ATP6V0E2: variants seen among roughly 807,000 people sequenced by gnomAD.
ATP6V0E2 encodes the protein ATPase H+ transporting V0 subunit e2.
ATP6V0E2 carries 4 observed loss-of-function variants against 11.5 expected under a neutral mutation model. That is an observed-to-expected ratio of 0.35 (90% CI 0.17 to 0.80). The LOEUF is 0.80. Among genes scored for constraint, ATP6V0E2 ranks in the 30% least tolerant of loss-of-function variants. The pLI is 0.53. For missense variants in ATP6V0E2, 93 were observed against 113.5 expected (o/e 0.82, Z 0.82); for synonymous variants, 52 against 51.0 (o/e 1.02, Z -0.09).
rs549598501 is a variant in ATP6V0E2 at position 149,877,324 on chromosome 7, A to G, written c.153-1354A>G. ...CCCACCTCAGCCTAGCTTTGACCACAGGCATGTGCCACCATGCCTGGCTGA... is the reference window on the plus strand; with the variant it reads ...CCCACCTCAGCCTAGCTTTGACCACGGGCATGTGCCACCATGCCTGGCTGA... On this transcript the variant is annotated intron_variant, in intron 2 of 3. Transcript: ENST00000425642. Among the ~76,000 whole-genome samples the G allele has an allele frequency of 2.6e-5, 4 of 152,270 alleles. No individual in the cohort carries two copies. In the East Asian group the frequency reaches 7.7e-4, roughly 29 times the overall value.
At chr7:149,878,567 G>A in intron 2 of ATP6V0E2, 111 bp from the exon 3 acceptor site, 1 of 848,290 alleles carries the variant, frequency 1.2e-6, no homozygotes, top group East Asian at 2.9e-5. Flanking sequence ...GGGAACACAG[G>A]CCCTGCCATC....
intron 1 of ATP6V0E2, chr7:149,874,874 G>C (rs1803042435): frequency 1.3e-5 from 2 of 153,506 alleles, no homozygotes; most frequent in Non-Finnish European, 2.9e-5. Context: ...CAGTGCTTTA[G>C]ATCAAAGATC....
chr7:149,876,013 G>A lies in ATP6V0E2; in HGVS notation c.152+368G>A, dbSNP rs192324790. 13 of 488,050 alleles carry A rather than the reference G, an allele frequency of 2.7e-5. No homozygotes were observed. In the East Asian group the frequency reaches 7.1e-4, roughly 27 times the overall value. The allele number at this position is 488,050 out of a possible 1,614,324, so 30.2% of individuals were successfully genotyped here. ...CTACACCCATGAAATTACAACTCTC[G>A]AGATCTGCACTTGGGAATTCCTGTT... On this transcript the variant is annotated intron_variant, in intron 2 of 3. Transcript: ENST00000425642.
intron 2 of ATP6V0E2, 66 bp downstream of exon 2, chr7:149,875,711 C>T (rs915380870): frequency 3.4e-6 from 5 of 1,478,668 alleles, no homozygotes; most frequent in Admixed American, 1.8e-5. Context: ...TCCTCCTCAC[C>T]CTAGCCTGCT....
intron 2 of ATP6V0E2, among the ~76,000 whole-genome samples, chr7:149,878,131 C>T (rs1260880696): frequency 1.3e-5 from 2 of 152,244 alleles, no homozygotes; most frequent in Non-Finnish European, 2.9e-5. Context: ...CAGCCACCCA[C>T]ACGCCCAGCA....
chr7:149,874,605 TGC>T (rs1803030396), intron 1 of ATP6V0E2: 1 of 166,802 alleles, frequency 6.0e-6, no homozygotes, highest in African/African-American at 2.4e-5. Flanking sequence ...CACCTACCAG[TGC>T]GTGACACTTT....
At chr7:149,878,347 G>T (rs1005732143) in intron 2 of ATP6V0E2, among the ~76,000 whole-genome samples, 5 of 152,166 alleles carry the variant, frequency 3.3e-5, no homozygotes, top group Non-Finnish European at 7.4e-5. Context: ...GGGGAGCCTG[G>T]ACAGAGGTGT....
At chr7:149,878,075 T>A (rs543113837) in intron 2 of ATP6V0E2, among the ~76,000 whole-genome samples, 1 of 152,308 alleles carries the variant, frequency 6.6e-6, no homozygotes, top group East Asian at 1.9e-4. Context: ...TACTAACTAC[T>A]GTGGCAAATG....
chr7:149,873,827 G>A, upstream of ATP6V0E2: 2 of 1,433,904 alleles, frequency 1.4e-6, no homozygotes, highest in Admixed American at 5.5e-5. Context: ...CTATTCCTCG[G>A]CATTTCTCTC....
At chr7:149,874,208 C>G (rs1261233002) in intron 1 of ATP6V0E2, 39 bp downstream of exon 1, 1 of 1,521,548 alleles carries the variant, frequency 6.6e-7, no homozygotes, top group Admixed American at 2.0e-5. Context: ...CTCTCCACCC[C>G]GGCCCCCTGG....
rs755931386 is a variant in ATP6V0E2 at position 149,875,648 on chromosome 7, A to G, written c.152+3A>G. The G allele has an allele frequency of 1.9e-6, 3 of 1,613,320 alleles. No homozygotes were observed. In the South Asian group the frequency reaches 3.3e-5, roughly 18 times the overall value. On this transcript the variant is annotated splice_donor_region_variant and intron_variant, in intron 2 of 3. Transcript: ENST00000425642. ...ACCGCCGTCTGCTGTTACCTCTTGT[A>G]AGTACTACTCTCCCCAGCTCAAAGT...
intron 1 of ATP6V0E2, among the ~76,000 whole-genome samples, chr7:149,875,224 C>A (rs1014256836): frequency 7.9e-5 from 12 of 152,198 alleles, no homozygotes; most frequent in African/African-American, 2.9e-4. Context: ...CTTCCCCTTG[C>A]TCCATGAATT....
intron 3 of ATP6V0E2, 196 bp from the exon 4 acceptor site, chr7:149,879,139 C>T: frequency 7.1e-7 from 1 of 1,400,038 alleles, no homozygotes; most frequent in Non-Finnish European, 9.2e-7. Context: ...ACCATGCTCC[C>T]AGCACCCCCC....
At chr7:149,876,602 C>T (rs1447350432) in intron 2 of ATP6V0E2, among the ~76,000 whole-genome samples, 1 of 152,200 alleles carries the variant, frequency 6.6e-6, no homozygotes, top group Non-Finnish European at 1.5e-5. Context: ...GACCCTGCCC[C>T]CGCATCCATC....
At position 149,874,149 on chromosome 7, in the gene ATP6V0E2, G is replaced by A. The variant is rs879809396; in HGVS notation, c.84G>A (p.Val28=). 10 of 1,549,464 alleles carry A rather than the reference G, an allele frequency of 6.5e-6. No homozygotes were observed. The highest frequency in any genetic ancestry group is 8.7e-6 in the Non-Finnish European group (10 of 1,146,440). The change falls in exon 1 of 4, where the codon GTG becomes GTA. Residue 28 remains valine (V), a synonymous_variant. Coordinates refer to ENST00000425642, the MANE Select transcript of ATP6V0E2 (RefSeq NM_145230.4). ...GLVGIAGPWF[V]PKGPNRGVII... ...TCGGCATCGCCGGGCCCTGGTTCGT[G>A]CCGAAGGGACCCAACCGCGGGTAAG...
rs750956763 is a variant in ATP6V0E2, at chr7:149,879,549, G to A, written c.*234G>A. 9.2e-5 allele frequency: 143 copies of A among 1,553,482 alleles called. No homozygotes were observed. Among genetic ancestry groups the A allele is most frequent in the Non-Finnish European group, 1.2e-4 (138 of 1,150,556 alleles). On this transcript the variant is annotated 3_prime_UTR_variant, in exon 4 of 4. Transcript: ENST00000425642. ...TGGGCACAGCAGCGGCCGAGGGGAT[G>A]TCCTGCTCCAATACCCGCACTGCTC... is the stretch of plus-strand genomic sequence containing the variant.
At chr7:149,875,727 T>A in intron 2 of ATP6V0E2, 82 bp downstream of exon 2, 1 of 1,381,400 alleles carries the variant, frequency 7.2e-7, no homozygotes. Context: ...CTGCTCTTCC[T>A]TCTGTCCTGG....
Position 149,874,097 on chromosome 7 carries a change from T to G in ATP6V0E2, c.32T>G (p.Ile11Ser). 6.5e-7 allele frequency: 1 copy of G among 1,549,966 alleles called. No homozygotes were observed. Among genetic ancestry groups the G allele is most frequent in the Non-Finnish European group, 8.7e-7 (1 of 1,146,592 alleles). Reference sequence around the variant, plus strand: ...GCGCACTCATTCGCCCTCCCGGTCATCATCTTCACCACGTTCTGGGGCCTC... The same window carrying G: ...GCGCACTCATTCGCCCTCCCGGTCAGCATCTTCACCACGTTCTGGGGCCTC... MTAHSFALPV[I>S]IFTTFWGLVG... Residue 11 changes from isoleucine (I) to serine (S), a missense_variant, in exon 1 of 4, where the codon ATC becomes AGC. By Grantham distance (142) the Ile-to-Ser change is moderately radical. Coordinates refer to ENST00000425642, the MANE Select transcript of ATP6V0E2 (RefSeq NM_145230.4).
At chr7:149,879,019 T>C (rs1408790462) in intron 3 of ATP6V0E2, 1 of 1,264,444 alleles carries the variant, frequency 7.9e-7, no homozygotes, top group Non-Finnish European at 1.1e-6. Context: ...TTAGAGTTCT[T>C]GTTGGGATTC....
Sources: gnomAD v4.1 joint callset for allele counts (sites outside exome capture counted in the v4.1 genomes callset) on GRCh38, gnomAD v4.1.1 for gene constraint, MANE v1.5 for transcripts, NCBI Gene and HGNC (gene_info 2026-07-23, HGNC 2026-07-21) for gene names.